Variants in TBX19 observed in about 807,000 individuals in gnomAD.
TBX19 encodes T-box transcription factor TBX19.
TBX19 carries 33 observed loss-of-function variants against 40.9 expected under a neutral mutation model. That is an observed-to-expected ratio of 0.81 (90% CI 0.61 to 1.08). The LOEUF is 1.08. Ranked by LOEUF, TBX19 falls within the 50% of genes least tolerant of loss-of-function variation. TBX19 has a pLI of 0.00. For missense variants in TBX19, 494 were observed against 574.0 expected, an observed-to-expected ratio of 0.86 and a Z score of 1.42; for synonymous variants, 220 against 225.0, an observed-to-expected ratio of 0.98 and a Z score of 0.20.
In TBX19 at chr1:168,293,284, AGTGTGTGTGTGTGT is replaced by A. The variant is rs57039241; in HGVS notation, c.603+35_603+48del. The A allele has an allele frequency of 5.1e-5, 68 of 1,321,858 alleles. No homozygotes were observed. Among genetic ancestry groups the A allele is most frequent in the East Asian group, 3.2e-4 (11 of 34,234 alleles). 81.9% of individuals were successfully genotyped at this position (1,321,858 alleles called of 1,614,324 possible). ...CTGCCTATCAGAATGAGGAGGTAAG[AGTGTGTGTGTGTGT>A]GTGTGTGTGTGTGTGTGTGTGTGTG... is the stretch of plus-strand genomic sequence containing the variant. On this transcript the variant is annotated splice_region_variant and intron_variant, in intron 3 of 7. Transcript: ENST00000367821.
In TBX19 at chr1:168,314,070, T is replaced by C. The variant is rs1367771862; in HGVS notation, c.*1068T>C. The C allele has an allele frequency of 6.6e-6, 1 of 152,502 alleles. No homozygotes were observed. The highest frequency in any genetic ancestry group is 1.5e-5 in the Non-Finnish European group (1 of 68,124). 9.4% of individuals were successfully genotyped at this position (152,502 alleles called of 1,614,324 possible). A position where few individuals can be genotyped will look rare whatever the true frequency, so the allele number is the denominator to read the frequency against. On this transcript the variant is annotated 3_prime_UTR_variant, in exon 8 of 8. Coordinates refer to ENST00000367821, the MANE Select transcript of TBX19 (RefSeq NM_005149.3). Reference sequence around the variant, plus strand: ...GCATCTCTGTTCTCTGAACATTCATTGCACTTTCCCACCTCTATACCTTGC... The same window carrying C: ...GCATCTCTGTTCTCTGAACATTCATCGCACTTTCCCACCTCTATACCTTGC...
chr1:168,283,213 T>C (rs976660792), intron 1 of TBX19, among the ~76,000 whole-genome samples: 1 of 152,212 alleles, frequency 6.6e-6, no homozygotes, highest in Non-Finnish European at 1.5e-5. Context: ...CATTTAATAT[T>C]AGCTACATGA....
chr1:168,312,607 T>TA, intron 7 of TBX19, 101 bp from the exon 8 acceptor site: 1 of 1,391,228 alleles, frequency 7.2e-7, no homozygotes, highest in East Asian at 2.3e-5. Flanking sequence ...AGCCCTCCTG[T>TA]AACCATGCCC....
chr1:168,311,261 G>A (rs1039444753), intron 7 of TBX19, among the ~76,000 whole-genome samples: 4 of 151,952 alleles, frequency 2.6e-5, no homozygotes, highest in Non-Finnish European at 4.4e-5. Context: ...AGTACTCAAA[G>A]ACAACTATAA....
intron 1 of TBX19, among the ~76,000 whole-genome samples, chr1:168,289,948 C>T (rs1558190014): frequency 1.3e-5 from 2 of 152,170 alleles, no homozygotes; most frequent in Non-Finnish European, 2.9e-5. Context: ...AATTTCAGCA[C>T]TTTGGGAGTC....
At chr1:168,311,021 A>G (rs935268888) in intron 7 of TBX19, among the ~76,000 whole-genome samples, 1 of 151,788 alleles carries the variant, frequency 6.6e-6, no homozygotes, top group Admixed American at 6.6e-5. Context: ...GAAAATTTAA[A>G]CTTACACATG....
intron 6 of TBX19, 182 bp from the exon 7 acceptor site, chr1:168,308,560 A>G (rs558537822): frequency 1.0e-5 from 7 of 689,894 alleles, no homozygotes; most frequent in African/African-American, 7.1e-5. Flanking sequence ...CACCTGGCAT[A>G]TGGTTGACAT....
intron 1 of TBX19, among the ~76,000 whole-genome samples, chr1:168,289,835 A>G (rs767353439): frequency 2.1e-4 from 32 of 152,034 alleles, no homozygotes; most frequent in Admixed American, 3.9e-4. Flanking sequence ...AAGGACATCA[A>G]CTCTGCCTCT....
intron 7 of TBX19, among the ~76,000 whole-genome samples, chr1:168,311,527 A>T (rs1218168629): frequency 6.6e-6 from 1 of 152,200 alleles, no homozygotes; most frequent in Non-Finnish European, 1.5e-5. Flanking sequence ...TATGGTCCAA[A>T]GAGGCCTGTA....
intron 4 of TBX19, among the ~76,000 whole-genome samples, chr1:168,298,877 TTCTTTCTTTCTTTCTTTCTTTCTCTCTC>T (rs1649195526): frequency 8.1e-6 from 1 of 123,242 alleles, no homozygotes; most frequent in African/African-American, 3.5e-5. Context: ...CTTTCTTTCT[TTCTTTCTTTCTTTCTTTCTTTCTCTCTC>T]TCTCTCTTTC....
At chr1:168,310,497 T>C (rs1229669163) in intron 7 of TBX19, among the ~76,000 whole-genome samples, 1 of 151,928 alleles carries the variant, frequency 6.6e-6, no homozygotes, top group African/African-American at 2.4e-5. Flanking sequence ...GTTGCTGATA[T>C]TGCTGTGGCC....
At position 168,307,675 on chromosome 1, in the gene TBX19, C is replaced by G. The variant is rs866391382; in HGVS notation, c.917-1067C>G. Among the ~76,000 whole-genome samples the G allele has an allele frequency of 3.1e-4, 47 of 152,188 alleles. No homozygotes were observed. In the Middle Eastern group the frequency reaches 0.017, roughly 55 times the overall value. ...CTCCCTCCCTCTGCCTTCTTCCTCT[C>G]TCTTATTTGTATACTATTTATGCAA... On this transcript the variant is annotated intron_variant, in intron 6 of 7. Coordinates refer to ENST00000367821, the MANE Select transcript of TBX19 (RefSeq NM_005149.3).
chr1:168,304,167 A>G (rs867786805), intron 5 of TBX19, among the ~76,000 whole-genome samples: 6 of 152,208 alleles, frequency 3.9e-5, no homozygotes, highest in South Asian at 2.1e-4. Flanking sequence ...TTTAATAGAC[A>G]TGAATCTGGC....
rs1160623088 is a variant in TBX19 at position 168,280,885 on chromosome 1, C to T, written c.-206C>T. On this transcript the variant is annotated 5_prime_UTR_variant, in exon 1 of 8. Coordinates refer to ENST00000367821, the MANE Select transcript of TBX19 (RefSeq NM_005149.3). Reference sequence around the variant, plus strand: ...ACCTCTCCCCTGCCTCCACCCCGCTCCCCAACTAAAGCTTAACAGGTTGGT... The same window carrying T: ...ACCTCTCCCCTGCCTCCACCCCGCTTCCCAACTAAAGCTTAACAGGTTGGT... Among the ~76,000 whole-genome samples the T allele has an allele frequency of 6.6e-6, 1 of 152,166 alleles. No homozygotes were observed. The highest frequency in any genetic ancestry group is 6.5e-5 in the Admixed American group (1 of 15,280).
rs74123913 is a variant in TBX19 at position 168,297,627 on chromosome 1, A to G, written c.604-97A>G. 5,272 of 1,103,812 alleles carry G rather than the reference A, an allele frequency of 4.8e-3. 164 individuals are homozygous for G. The African/African-American group carries it at 0.064, about 13-fold the overall frequency. The allele number at this position is 1,103,812 out of a possible 1,614,324, so 68.4% of individuals were successfully genotyped here. On this transcript the variant is annotated intron_variant, in intron 3 of 7. Coordinates refer to ENST00000367821, the MANE Select transcript of TBX19 (RefSeq NM_005149.3). ...GTGCCTGGTGGGAAAGGGAAGGAAA[A>G]GAGAGGGAATTAAACTGGTTTTACA...
At chr1:168,305,346 TTTA>T in intron 6 of TBX19, 150 bp downstream of exon 6, 2 of 728,642 alleles carry the variant, frequency 2.7e-6, no homozygotes, top group Non-Finnish European at 4.5e-6. Flanking sequence ...TGTGTTTTAT[TTTA>T]TTGTTATTTT....
At chr1:168,289,702 C>T (rs1648891987) in intron 1 of TBX19, among the ~76,000 whole-genome samples, 1 of 152,216 alleles carries the variant, frequency 6.6e-6, no homozygotes, top group Non-Finnish European at 1.5e-5. Flanking sequence ...CCATGCCTGG[C>T]ACCTAGTGAG....
chr1:168,293,309 G>T (rs1202912599), intron 3 of TBX19, 31 bp downstream of exon 3: 2 of 1,574,616 alleles, frequency 1.3e-6, no homozygotes, highest in African/African-American at 1.4e-5. Flanking sequence ...GTGTGTGTGT[G>T]TGTGTGTGTG....
At chr1:168,284,236 C>T (rs980563033) in intron 1 of TBX19, among the ~76,000 whole-genome samples, 1 of 152,116 alleles carries the variant, frequency 6.6e-6, no homozygotes, top group African/African-American at 2.4e-5. Flanking sequence ...TTAGATATAA[C>T]AGTAATAAGT....
Sources: gnomAD v4.1 joint callset for allele counts (sites outside exome capture counted in the v4.1 genomes callset) on GRCh38, gnomAD v4.1.1 for gene constraint, MANE v1.5 for transcripts, NCBI Gene and HGNC (gene_info 2026-07-23, HGNC 2026-07-21) for gene names.